PCDHA10: variants seen among roughly 807,000 people sequenced by gnomAD.
PCDHA10 encodes protocadherin alpha-10.
PCDHA10 carries 45 observed loss-of-function variants against 61.2 expected under a neutral mutation model. The ratio of observed to expected loss-of-function variants is 0.74; its 90% CI spans 0.58 to 0.94. PCDHA10 has a LOEUF of 0.94. Among genes scored for constraint, PCDHA10 ranks in the 40% least tolerant of loss-of-function variants. PCDHA10 has a pLI of 0.00. For synonymous variants in PCDHA10, 602 were observed against 548.8 expected, an observed-to-expected ratio of 1.10 and a Z score of -1.35; for missense variants, 1,278 against 1,236.2, an observed-to-expected ratio of 1.03 and a Z score of -0.51.
chr5:140,946,297 T>C (rs1238627119), intron 1 of PCDHA10, among the ~76,000 whole-genome samples: 5 of 151,730 alleles, frequency 3.3e-5, no homozygotes, highest in Non-Finnish European at 7.4e-5. Flanking sequence ...ACCTCACACC[T>C]GGTAGAATGG....
At chr5:140,986,940 G>A (rs1371744170) in intron 3 of PCDHA10, among the ~76,000 whole-genome samples, 1 of 152,280 alleles carries the variant, frequency 6.6e-6, no homozygotes, top group South Asian at 2.1e-4. Flanking sequence ...GAGGCTGGGT[G>A]TGGTCGCTCA....
chr5:140,938,843 C>T (rs1232774282), intron 1 of PCDHA10, among the ~76,000 whole-genome samples: 3 of 152,012 alleles, frequency 2.0e-5, no homozygotes, highest in Admixed American at 6.6e-5. Flanking sequence ...AACAAACCTG[C>T]CCATGTACCC....
intron 1 of PCDHA10, chr5:140,870,336 C>T (rs782392888): frequency 2.3e-5 from 37 of 1,614,034 alleles, no homozygotes; most frequent in Non-Finnish European, 2.9e-5. Flanking sequence ...TGGACAGCGC[C>T]CTGGACCGCG....
chr5:140,856,142 T>G lies in PCDHA10; in HGVS notation c.94T>G (p.Tyr32Asp), dbSNP rs1554148241. 1 of 1,598,118 alleles carries G rather than the reference T, an allele frequency of 6.3e-7. No individual in the cohort carries two copies. Among genetic ancestry groups the G allele is most frequent in the East Asian group, 2.2e-5 (1 of 44,868 alleles). Reference sequence around the variant, plus strand: ...GGAGGTGGGGAGCGGCCAGCTCCACTACTCAGTCTACGAGGAGGCCAGACA... The same window carrying G: ...GGAGGTGGGGAGCGGCCAGCTCCACGACTCAGTCTACGAGGAGGCCAGACA... ...AWEVGSGQLH[Y>D]SVYEEARHGT... is the part of the protein sequence containing the mutation. Residue 32 changes from tyrosine to aspartate, a missense_variant, in exon 1 of 4, where the codon TAC (tyrosine) becomes GAC (aspartate). Coordinates refer to ENST00000307360, the MANE Select transcript of PCDHA10 (RefSeq NM_018901.4).
rs1311209449 is a variant in PCDHA10, at chr5:141,010,944, A to G, written c.*1007A>G. On this transcript the variant is annotated 3_prime_UTR_variant, in exon 4 of 4. Transcript: ENST00000307360. ...GAGAATTCAGTCTACAGCCATTTAA[A>G]TGATCATTGCTGCTACAGAAGTGCT... 6.5e-6 allele frequency: 1 copy of G among 153,776 alleles called. No individual in the cohort carries two copies. The highest frequency in any genetic ancestry group is 2.4e-5 in the African/African-American group (1 of 41,450). 9.5% of individuals were successfully genotyped at this position (153,776 alleles called of 1,614,324 possible).
At chr5:140,917,354 G>T (rs148449289) in intron 1 of PCDHA10, among the ~76,000 whole-genome samples, 7 of 143,854 alleles carry the variant, frequency 4.9e-5, no homozygotes, top group African/African-American at 1.8e-4. Flanking sequence ...GTAGGCTTCT[G>T]TTCCACTATC....
At chr5:140,882,307 A>C in intron 1 of PCDHA10, 2 of 1,613,900 alleles carry the variant, frequency 1.2e-6, no homozygotes, top group Non-Finnish European at 1.7e-6. Context: ...GACCGCGGCA[A>C]CTACTGCTCT....
At position 140,938,754 on chromosome 5, in the gene PCDHA10, A is replaced by G. The variant is rs79400957; in HGVS notation, c.2389-40195A>G. Among the ~76,000 whole-genome samples the G allele has an allele frequency of 2.9e-3, 442 of 152,274 alleles. 1 individual carries two copies. Among genetic ancestry groups the G allele is most frequent in the African/African-American group, 0.01 (423 of 41,554 alleles). The stretch of plus-strand genomic sequence containing the variant: ...AAAAAATAATTATTTTTAAAGGCAT[A>G]GTTATTGGGTACTAGACTTAGTACC... On this transcript the variant is annotated intron_variant, in intron 1 of 3. Transcript: ENST00000307360.
intron 1 of PCDHA10, among the ~76,000 whole-genome samples, chr5:140,879,880 C>T (rs1162426271): frequency 6.6e-6 from 1 of 152,172 alleles, no homozygotes; most frequent in Admixed American, 6.5e-5. Flanking sequence ...GGTCACATTG[C>T]CTCCTCCTCT....
intron 1 of PCDHA10, chr5:140,926,897 T>C: frequency 1.3e-6 from 2 of 1,548,696 alleles, no homozygotes; most frequent in Non-Finnish European, 1.7e-6. Context: ...GGGAGGATGG[T>C]GGGCTGTGGG....
At chr5:140,870,239 G>C (rs781847723) in intron 1 of PCDHA10, 6 of 1,614,134 alleles carry the variant, frequency 3.7e-6, no homozygotes, top group Non-Finnish European at 4.2e-6. Flanking sequence ...CGTGACTCAG[G>C]TGTCAACGGA....
At chr5:140,951,343 G>C (rs2094573680) in intron 1 of PCDHA10, among the ~76,000 whole-genome samples, 1 of 151,988 alleles carries the variant, frequency 6.6e-6, no homozygotes, top group South Asian at 2.1e-4. Flanking sequence ...GTTTGTGTTA[G>C]TCCATTATTG....
chr5:140,967,154 G>A, intron 1 of PCDHA10: 2 of 1,610,730 alleles, frequency 1.2e-6, no homozygotes, highest in Non-Finnish European at 1.7e-6. Flanking sequence ...CAACCCCGTG[G>A]CGGTGAGCGC....
At chr5:140,974,910 C>T (rs1054560750) in intron 1 of PCDHA10, among the ~76,000 whole-genome samples, 1 of 152,114 alleles carries the variant, frequency 6.6e-6, no homozygotes, top group Admixed American at 6.5e-5. Flanking sequence ...AACAAATTAC[C>T]ACAAGTAAGT....
At chr5:140,978,703 G>A (rs556167285) in intron 1 of PCDHA10, among the ~76,000 whole-genome samples, 9 of 152,210 alleles carry the variant, frequency 5.9e-5, no homozygotes, top group Non-Finnish European at 1.3e-4. Flanking sequence ...AGCCAAAGGT[G>A]GCCTTTACAA....
At chr5:140,882,041 A>G (rs1374444489) in intron 1 of PCDHA10, 9 of 677,522 alleles carry the variant, frequency 1.3e-5, no homozygotes, top group African/African-American at 1.3e-4. Context: ...ATGAAGACTG[A>G]GTCATACTTA....
At chr5:140,920,412 ACAGCTGTTCTC>A (rs1294144005) in intron 1 of PCDHA10, among the ~76,000 whole-genome samples, 2 of 152,146 alleles carry the variant, frequency 1.3e-5, no homozygotes, top group African/African-American at 4.8e-5. Context: ...TTAATCAGAT[ACAGCTGTTCTC>A]CCACACACCT....
At chr5:140,918,897 C>A (rs1381764249) in intron 1 of PCDHA10, among the ~76,000 whole-genome samples, 1 of 152,196 alleles carries the variant, frequency 6.6e-6, no homozygotes, top group Admixed American at 6.5e-5. Context: ...AAAAATAAAT[C>A]TCTCTTGTTT....
chr5:140,969,636 T>C (rs2096349824), intron 1 of PCDHA10: 1 of 212,100 alleles, frequency 4.7e-6, no homozygotes, highest in Non-Finnish European at 8.1e-6. Context: ...GGACAGGCCT[T>C]GGAATAGGGA....
Sources: allele counts gnomAD v4.1 joint callset (sites outside exome capture counted in the v4.1 genomes callset), GRCh38; gene constraint gnomAD v4.1.1; transcripts MANE v1.5; gene names NCBI Gene and HGNC (gene_info 2026-07-23, HGNC 2026-07-21).